The following TAF1B variants were observed in gnomAD, a reference collection of about 807,000 sequenced individuals.
TAF1B encodes the protein TATA-box binding protein associated factor, RNA polymerase I subunit B, also known as TATA box-binding protein-associated factor RNA polymerase I subunit B.
In TAF1B, 61 loss-of-function variants were observed where a neutral mutation model predicts 83.9. The ratio of observed to expected loss-of-function variants is 0.73; its 90% CI spans 0.59 to 0.90. TAF1B has a LOEUF of 0.90. TAF1B is among the 40% of genes least tolerant of loss of function. TAF1B has a pLI of 0.00. For synonymous variants in TAF1B, 221 were observed against 224.6 expected, an observed-to-expected ratio of 0.98 and a Z score of 0.14; for missense variants, 625 against 677.0, an observed-to-expected ratio of 0.92 and a Z score of 0.85.
chr2:9,911,216 A>G (rs1004490495), intron 10 of TAF1B, among the ~76,000 whole-genome samples: 4 of 152,130 alleles, frequency 2.6e-5, no homozygotes, highest in African/African-American at 7.2e-5. Context: ...CTGATTTCCT[A>G]GTTTTAAAGT....
chr2:9,899,243 G>A (rs1388654365), intron 8 of TAF1B, among the ~76,000 whole-genome samples: 1 of 152,056 alleles, frequency 6.6e-6, no homozygotes, highest in Non-Finnish European at 1.5e-5. Flanking sequence ...TATCTCATAC[G>A]TGTGGAATCA....
At chr2:9,886,738 A>G (rs1664685113) in intron 8 of TAF1B, among the ~76,000 whole-genome samples, 1 of 152,214 alleles carries the variant, frequency 6.6e-6, no homozygotes, top group Non-Finnish European at 1.5e-5. Flanking sequence ...TGTGGCTTAC[A>G]TTGCCCAGAA....
intron 5 of TAF1B, among the ~76,000 whole-genome samples, chr2:9,862,647 T>A (rs1018579569): frequency 2.6e-5 from 4 of 152,136 alleles, no homozygotes; most frequent in Non-Finnish European, 4.4e-5. Context: ...AATTGTCAGA[T>A]TCACCAAAGT....
At chr2:9,910,976 A>C (rs1558263171) in intron 10 of TAF1B, 63 bp downstream of exon 10, 2 of 1,468,086 alleles carry the variant, frequency 1.4e-6, no homozygotes, top group Non-Finnish European at 1.9e-6. Flanking sequence ...TTTTTTAAGA[A>C]AGCTTTAAAT....
At chr2:9,872,255 G>A (rs1045642787) in intron 6 of TAF1B, among the ~76,000 whole-genome samples, 1 of 151,730 alleles carries the variant, frequency 6.6e-6, no homozygotes, top group South Asian at 2.1e-4. Context: ...GAACCCGGGA[G>A]TTGGAGGTTG....
At chr2:9,857,150 G>A (rs1663590614) in intron 5 of TAF1B, among the ~76,000 whole-genome samples, 1 of 152,174 alleles carries the variant, frequency 6.6e-6, no homozygotes, top group African/African-American at 2.4e-5. Context: ...TGAAGAAAGT[G>A]AGAGAGTAAA....
chr2:9,868,003 A>C (rs550521510), intron 5 of TAF1B, among the ~76,000 whole-genome samples: 15 of 152,332 alleles, frequency 9.8e-5, no homozygotes, highest in African/African-American at 3.6e-4. Flanking sequence ...TGAAGATATT[A>C]GCGCTGTAAG....
chr2:9,863,816 T>C (rs983434817), intron 5 of TAF1B, among the ~76,000 whole-genome samples: 1 of 152,142 alleles, frequency 6.6e-6, no homozygotes, highest in African/African-American at 2.4e-5. Flanking sequence ...CTCAACTACA[T>C]GGAAACTGAA....
intron 8 of TAF1B, among the ~76,000 whole-genome samples, chr2:9,894,810 A>T (rs867273369): frequency 6.6e-6 from 1 of 152,226 alleles, no homozygotes; most frequent in Admixed American, 6.5e-5. Flanking sequence ...GAGTAATCAC[A>T]TGACCCTTCC....
intron 6 of TAF1B, among the ~76,000 whole-genome samples, chr2:9,874,134 A>G (rs969524985): frequency 6.6e-6 from 1 of 152,192 alleles, no homozygotes; most frequent in Non-Finnish European, 1.5e-5. Context: ...ATCGTTCCAC[A>G]TGGCTGGGGA....
At chr2:9,933,759 TTC>T (rs1666289784) in intron 14 of TAF1B, 22 bp from the exon 15 acceptor site, 1 of 1,575,720 alleles carries the variant, frequency 6.3e-7, no homozygotes, top group African/African-American at 1.4e-5. Context: ...TAAAGATAAA[TTC>T]TTTTTTCTTT....
rs780503806 is a variant in TAF1B, at chr2:9,849,432, C to T, written c.177C>T (p.Asn59=). 70 of 1,582,216 alleles carry T rather than the reference C, an allele frequency of 4.4e-5. No homozygotes were observed. The South Asian group carries it at 6.3e-4, about 14-fold the overall frequency. ...LIPNTQIKAL[N]RGLKKKNNTE... Reference sequence around the variant, plus strand: ...CTAATACCCAAATAAAAGCCCTCAACCGGGGGCTTAAAAAAAAAAACAATA... The same window carrying T: ...CTAATACCCAAATAAAAGCCCTCAATCGGGGGCTTAAAAAAAAAAACAATA... Residue 59 remains asparagine (N), a synonymous_variant, in exon 3 of 15, where the codon AAC becomes AAT. Transcript: ENST00000263663.
chr2:9,911,477 C>G, intron 10 of TAF1B, 34 bp from the exon 11 acceptor site: 6 of 1,455,098 alleles, frequency 4.1e-6, no homozygotes, highest in Non-Finnish European at 5.6e-6. Context: ...TACATGACTT[C>G]TAAATAAATT....
chr2:9,853,877 A>G (rs1289304800), intron 4 of TAF1B, among the ~76,000 whole-genome samples: 1 of 152,114 alleles, frequency 6.6e-6, no homozygotes, highest in Non-Finnish European at 1.5e-5. Context: ...TCTGATCCTT[A>G]ATTTACTTAA....
intron 6 of TAF1B, among the ~76,000 whole-genome samples, chr2:9,871,566 A>G (rs1219352459): frequency 1.3e-5 from 2 of 152,192 alleles, no homozygotes; most frequent in African/African-American, 2.4e-5. Flanking sequence ...TGCTTTTTAC[A>G]TGAAAGGCTT....
At position 9,876,016 on chromosome 2, in the gene TAF1B, G is replaced by A. The variant is rs559624035; in HGVS notation, c.705G>A (p.Leu235=). ...QREAITLSDL[L]RFVEEDHIPY... is the part of the protein sequence containing the mutation. ...AAGCAATAACACTTTCAGATCTTTT[G>A]AGGTTAGCTAGACCTCTTGTATGAT... The change falls in exon 7 of 15, where the codon TTG becomes TTA. Residue 235 remains leucine, a splice_region_variant and synonymous_variant. Coordinates refer to ENST00000263663, the MANE Select transcript of TAF1B (RefSeq NM_005680.3). The A allele has an allele frequency of 5.6e-6, 9 of 1,606,024 alleles. No individual in the cohort carries two copies. In the East Asian group the frequency reaches 2.0e-4, roughly 36 times the overall value.
chr2:9,851,589 A>T lies in TAF1B; in HGVS notation c.254A>T (p.Tyr85Phe). Residue 85 changes from tyrosine (Y) to phenylalanine (F), a missense_variant, in exon 4 of 15, where the codon TAT becomes TTT. Tyr to Phe is a conservative substitution (Grantham distance 22, BLOSUM62 3). Coordinates refer to ENST00000263663, the MANE Select transcript of TAF1B (RefSeq NM_005680.3). ...YVCEGFQYIL[Y>F]QQAEALKNLG... ...TGTGAAGGTTTCCAGTATATTCTTT[A>T]TCAACAAGCAGAAGCCTTAAAGAAC... is the stretch of plus-strand genomic sequence containing the variant. 6.2e-7 allele frequency: 1 copy of T among 1,612,996 alleles called. No homozygotes were observed. Among genetic ancestry groups the T allele is most frequent in the Non-Finnish European group, 8.5e-7 (1 of 1,179,726 alleles).
chr2:9,885,948 G>A (rs1457566061), intron 8 of TAF1B, among the ~76,000 whole-genome samples: 1 of 152,142 alleles, frequency 6.6e-6, no homozygotes, highest in Non-Finnish European at 1.5e-5. Context: ...TAGAATCATG[G>A]ATTATTAAAG....
intron 6 of TAF1B, among the ~76,000 whole-genome samples, chr2:9,874,443 AT>A (rs569110952): frequency 7.4e-4 from 108 of 145,452 alleles, no homozygotes; most frequent in Admixed American, 9.0e-4. Context: ...GTCAAATGTA[AT>A]TTTTTTTTTT....
Sources: gnomAD v4.1 joint callset for allele counts (sites outside exome capture counted in the v4.1 genomes callset) on GRCh38, gnomAD v4.1.1 for gene constraint, MANE v1.5 for transcripts, NCBI Gene and HGNC (gene_info 2026-07-23, HGNC 2026-07-21) for gene names.